GNA12: variants seen among roughly 807,000 people sequenced by gnomAD.
GNA12 encodes the protein G protein subunit alpha 12.
In GNA12, 9 loss-of-function variants were observed where a neutral mutation model predicts 26.0. That is an observed-to-expected ratio of 0.35 (90% CI 0.21 to 0.60). The LOEUF is 0.60. Ranked by LOEUF, GNA12 falls within the 20% of genes least tolerant of loss-of-function variation. GNA12 has a pLI of 0.78. For missense variants in GNA12, 405 were observed against 525.8 expected, an observed-to-expected ratio of 0.77 and a Z score of 2.25; for synonymous variants, 264 against 219.6, an observed-to-expected ratio of 1.20 and a Z score of -1.79.
At chr7:2,744,493 G>T (rs1790671072) in intron 2 of GNA12, among the ~76,000 whole-genome samples, 1 of 152,142 alleles carries the variant, frequency 6.6e-6, no homozygotes. Context: ...AAACAGGAAG[G>T]ACATCCACAC....
At chr7:2,783,649 CATTTATTTATTT>C (rs60404277) in intron 2 of GNA12, among the ~76,000 whole-genome samples, 2,891 of 138,668 alleles carry the variant, frequency 0.021, 63 homozygotes, top group Middle Eastern at 0.035. Context: ...GGCTGTAACA[CATTTATTTATTT>C]ATTTATTTAT....
chr7:2,778,084 T>C lies in GNA12; in HGVS notation c.525+16844A>G, dbSNP rs1792124286. Among the ~76,000 whole-genome samples, 3 of 152,188 alleles carry C rather than the reference T, an allele frequency of 2.0e-5. No individual in the cohort carries two copies. The South Asian group carries it at 6.2e-4, about 31-fold the overall frequency. On this transcript the variant is annotated intron_variant, in intron 2 of 3. Coordinates refer to ENST00000275364, the MANE Select transcript of GNA12 (RefSeq NM_007353.3). ...AAACACGAGCTACACTATGCCGCCT[T>C]AGCGGCATAGTCTTTTCCAAAGACT...
At chr7:2,757,742 T>C (rs540450422) in intron 2 of GNA12, among the ~76,000 whole-genome samples, 4 of 152,338 alleles carry the variant, frequency 2.6e-5, no homozygotes, top group East Asian at 1.9e-4. Context: ...CCATGAAGCA[T>C]AAAGGAAAAT....
At chr7:2,786,062 G>A (rs925919490) in intron 2 of GNA12, among the ~76,000 whole-genome samples, 24 of 152,196 alleles carry the variant, frequency 1.6e-4, no homozygotes, top group African/African-American at 4.8e-4. Flanking sequence ...GCGAGATTCC[G>A]TTTAAAAAGA....
chr7:2,789,068 T>C (rs897750068), intron 2 of GNA12, among the ~76,000 whole-genome samples: 1 of 150,540 alleles, frequency 6.6e-6, no homozygotes, highest in African/African-American at 2.4e-5. Context: ...TCCACCTGCC[T>C]TGGCCTCCCA....
chr7:2,812,459 G>A (rs1383189189), intron 1 of GNA12, among the ~76,000 whole-genome samples: 4 of 151,970 alleles, frequency 2.6e-5, no homozygotes, highest in African/African-American at 7.3e-5. Flanking sequence ...ATTAAACCCC[G>A]TCTCTACTAA....
intron 1 of GNA12, among the ~76,000 whole-genome samples, chr7:2,810,025 G>C (rs1345708680): frequency 2.0e-5 from 3 of 152,216 alleles, no homozygotes; most frequent in Non-Finnish European, 4.4e-5. Flanking sequence ...AGAGGGAAAT[G>C]GTTTGACATT....
chr7:2,762,244 A>C (rs1791593463), intron 2 of GNA12: 1 of 200,052 alleles, frequency 5.0e-6, no homozygotes, highest in Non-Finnish European at 1.0e-5. Flanking sequence ...CACTGCTAGG[A>C]AACACCACCC....
At chr7:2,791,700 T>C (rs563669730) in intron 2 of GNA12, among the ~76,000 whole-genome samples, 8 of 151,972 alleles carry the variant, frequency 5.3e-5, no homozygotes, top group South Asian at 4.2e-4. Flanking sequence ...CAGGAAAAGA[T>C]TGGAAGAGAA....
intron 2 of GNA12, among the ~76,000 whole-genome samples, chr7:2,794,341 T>G (rs889960827): frequency 6.6e-5 from 10 of 152,112 alleles, no homozygotes; most frequent in African/African-American, 2.2e-4. Flanking sequence ...AAATTGTACA[T>G]TTTACTTTAT....
At chr7:2,766,083 G>A (rs1791794883) in intron 2 of GNA12, among the ~76,000 whole-genome samples, 1 of 152,084 alleles carries the variant, frequency 6.6e-6, no homozygotes, top group Non-Finnish European at 1.5e-5. Flanking sequence ...TTTTCATCTT[G>A]CAAATGTGAA....
chr7:2,788,028 G>T (rs548374356), intron 2 of GNA12, among the ~76,000 whole-genome samples: 1 of 152,078 alleles, frequency 6.6e-6, no homozygotes. Flanking sequence ...GGTGGCAGGC[G>T]CCTGTAATCC....
chr7:2,840,031 T>A lies in GNA12; in HGVS notation c.309+3822A>T, dbSNP rs150629743. 7.2e-5 allele frequency among the ~76,000 whole-genome samples: 11 copies of A among 152,260 alleles called. No homozygotes were observed. In the East Asian group the frequency reaches 1.9e-3, roughly 27 times the overall value. On this transcript the variant is annotated intron_variant, in intron 1 of 3. Transcript: ENST00000275364. ...CAGAATAGATTATTCACTGCCAGGG[T>A]CTGGGACAGGAAGGGGAGAGAGTGG...
At chr7:2,842,264 A>T (rs1353872065) in intron 1 of GNA12, among the ~76,000 whole-genome samples, 1 of 152,138 alleles carries the variant, frequency 6.6e-6, no homozygotes, top group South Asian at 2.1e-4. Context: ...GCCCTTTAAC[A>T]CAGGCTCACG....
At chr7:2,821,434 G>A (rs981248865) in intron 1 of GNA12, among the ~76,000 whole-genome samples, 6 of 152,276 alleles carry the variant, frequency 3.9e-5, no homozygotes, top group African/African-American at 1.2e-4. Flanking sequence ...GAGAAATCAC[G>A]GCCAGGTGTT....
intron 1 of GNA12, among the ~76,000 whole-genome samples, chr7:2,799,468 G>C (rs1792756601): frequency 6.6e-6 from 1 of 152,116 alleles, no homozygotes; most frequent in Non-Finnish European, 1.5e-5. Flanking sequence ...GATAGTTCCA[G>C]CTACTCAGGA....
chr7:2,782,091 G>A lies in GNA12; in HGVS notation c.525+12837C>T, dbSNP rs1304278743. Among the ~76,000 whole-genome samples, 3 of 152,264 alleles carry A rather than the reference G, an allele frequency of 2.0e-5. No individual in the cohort carries two copies. The East Asian group carries it at 5.8e-4, about 29-fold the overall frequency. On this transcript the variant is annotated intron_variant, in intron 2 of 3. Transcript: ENST00000275364. ...TTTAACAAATTGTGCTAGAACAACT[G>A]AGTGTCCACATGTAGAAGAATGGAT...
intron 2 of GNA12, among the ~76,000 whole-genome samples, chr7:2,750,152 G>C (rs989440321): frequency 1.3e-5 from 2 of 152,158 alleles, no homozygotes; most frequent in South Asian, 4.2e-4. Context: ...TCTCCGGTCT[G>C]ACATGTAAAG....
intron 2 of GNA12, 82 bp from the exon 3 acceptor site, chr7:2,733,583 G>C (rs547403146): frequency 9.3e-7 from 1 of 1,075,436 alleles, no homozygotes; most frequent in South Asian, 1.3e-5. Flanking sequence ...AACAGGGTAA[G>C]AGCAGTGGCA....
Sources: allele counts gnomAD v4.1 joint callset (sites outside exome capture counted in the v4.1 genomes callset), GRCh38; gene constraint gnomAD v4.1.1; transcripts MANE v1.5; gene names NCBI Gene and HGNC (gene_info 2026-07-23, HGNC 2026-07-21).